SHANK2: variants seen among roughly 807,000 people sequenced by gnomAD.
The protein encoded by SHANK2 is SH3 and multiple ankyrin repeat domains protein 2.
A neutral mutation model predicts 133.7 loss-of-function variants in SHANK2; 43 were observed. The ratio of observed to expected loss-of-function variants is 0.32; its 90% confidence interval spans 0.25 to 0.41. The LOEUF (loss-of-function observed/expected upper bound fraction) is 0.41, where lower values mean the gene tolerates loss of function less well. Among genes scored for constraint, SHANK2 ranks in the 10% least tolerant of loss-of-function variants. The probability of loss-of-function intolerance (pLI) is 1.00; values close to 1 mark genes in which losing one functional copy is unlikely to be tolerated. For synonymous variants in SHANK2, 1,017 were observed against 952.8 expected, an observed-to-expected ratio of 1.07 and a Z score of -1.24; for missense variants, 1,994 against 2,235.8, an observed-to-expected ratio of 0.89 and a Z score of 2.18.
At chr11:70,604,429 A>T (rs2060546754) in intron 17 of SHANK2, 1 of 152,524 alleles carries the variant, frequency 6.6e-6, no homozygotes, top group African/African-American at 2.4e-5. Flanking sequence ...TGGTTGGGAC[A>T]GTGAGTCCAG....
chr11:70,934,981 C>T lies in SHANK2; in HGVS notation c.1108-38414G>A, dbSNP rs1029971002. Among the ~76,000 whole-genome samples, 7 of 152,204 alleles carry T rather than the reference C, an allele frequency of 4.6e-5. No homozygotes were observed. The East Asian group carries it at 5.8e-4, about 13-fold the overall frequency. Reference sequence around the variant, plus strand: ...GGGACGGGGCAGGTCTGGAGCTAGCCGCCCTGCTTCCTCTCTCCACGGGTA... The same window carrying T: ...GGGACGGGGCAGGTCTGGAGCTAGCTGCCCTGCTTCCTCTCTCCACGGGTA... On this transcript the variant is annotated intron_variant, in intron 10 of 25. Transcript: ENST00000601538.
chr11:71,135,436 G>A (rs574000133), intron 3 of SHANK2, among the ~76,000 whole-genome samples: 1 of 151,398 alleles, frequency 6.6e-6, no homozygotes, highest in East Asian at 2.0e-4. Context: ...AGAATCCACT[G>A]ACTTGCACAC....
intron 17 of SHANK2, chr11:70,631,375 T>TACACACACACAAACACAC (rs1555002115): frequency 2.1e-5 from 3 of 143,390 alleles, no homozygotes; most frequent in African/African-American, 7.8e-5. Context: ...TTCCCGGAGT[T>TACACACACACAAACACAC]ACACACACAC....
chr11:71,060,802 C>T (rs886950393), intron 9 of SHANK2, among the ~76,000 whole-genome samples: 11 of 152,138 alleles, frequency 7.2e-5, no homozygotes, highest in Non-Finnish European at 1.3e-4. Flanking sequence ...TTCAAAACAA[C>T]GTGTGAGTCT....
chr11:71,134,726 T>C (rs570801225), intron 3 of SHANK2, among the ~76,000 whole-genome samples: 1 of 152,090 alleles, frequency 6.6e-6, no homozygotes, highest in South Asian at 2.1e-4. Flanking sequence ...AGGCATGAGC[T>C]GAGAAACTGC....
intron 1 of SHANK2, among the ~76,000 whole-genome samples, chr11:71,235,979 G>A (rs1954821810): frequency 6.6e-6 from 1 of 152,188 alleles, no homozygotes; most frequent in Admixed American, 6.5e-5. Context: ...GAAAACTGAG[G>A]CCAGACCAGC....
intron 2 of SHANK2, among the ~76,000 whole-genome samples, chr11:71,192,794 C>T (rs1217185352): frequency 2.0e-5 from 3 of 152,236 alleles, no homozygotes; most frequent in Admixed American, 6.5e-5. Flanking sequence ...ATCAAGCTAT[C>T]AGAGGCTATC....
At chr11:70,616,982 G>A (rs2060752238) in intron 17 of SHANK2, among the ~76,000 whole-genome samples, 1 of 152,178 alleles carries the variant, frequency 6.6e-6, no homozygotes, top group South Asian at 2.1e-4. Context: ...GTGTCTGAGA[G>A]TGTGTTGTGT....
At chr11:70,888,614 T>G (rs1465132244) in intron 11 of SHANK2, among the ~76,000 whole-genome samples, 1 of 151,926 alleles carries the variant, frequency 6.6e-6, no homozygotes, top group African/African-American at 2.4e-5. Flanking sequence ...GTCAGGAGTT[T>G]GAGACCAGCC....
intron 25 of SHANK2, chr11:70,475,319 A>G (rs1256253154): frequency 6.6e-6 from 1 of 152,114 alleles, no homozygotes; most frequent in African/African-American, 2.4e-5. Context: ...ACACTGAGAG[A>G]CCCTGAACCT....
chr11:70,606,439 G>A (rs576981715), intron 17 of SHANK2, among the ~76,000 whole-genome samples: 4 of 143,444 alleles, frequency 2.8e-5, no homozygotes, highest in Middle Eastern at 7.3e-3. Flanking sequence ...CATATGACCC[G>A]GGGGTGGGGG....
chr11:70,928,795 G>A (rs1473283941), intron 10 of SHANK2, among the ~76,000 whole-genome samples: 4 of 152,118 alleles, frequency 2.6e-5, no homozygotes, highest in African/African-American at 7.2e-5. Flanking sequence ...CCGTGAACCC[G>A]GACAGGTGGT....
In SHANK2 at chr11:71,175,576, G is replaced by C. The variant is rs1555112997; in HGVS notation, c.-12-28238C>G. On this transcript the variant is annotated intron_variant, in intron 2 of 25. Transcript: ENST00000601538. The surrounding 1 kb of genome is among the most constrained non-coding windows in gnomAD (Gnocchi z 4.2). ...GGAGAGAGAGAGAGAGAGAGAGAGA[G>C]AGAGAGAGAGAGAGAGAGAGAGAGA... is the stretch of plus-strand genomic sequence containing the variant. Among the ~76,000 whole-genome samples, 1 of 136,628 alleles carries C rather than the reference G, an allele frequency of 7.3e-6. No homozygotes were observed. The highest frequency in any genetic ancestry group is 7.0e-5 in the Admixed American group (1 of 14,296). The allele number at this position is 136,628 out of a possible 152,430, so 89.6% of individuals were successfully genotyped here.
intron 15 of SHANK2, among the ~76,000 whole-genome samples, chr11:70,678,479 CCCTGCCTCTCCCTGCCTCTCGA>C (rs1565235115): frequency 2.0e-5 from 3 of 150,028 alleles, no homozygotes; most frequent in Non-Finnish European, 4.5e-5. Context: ...TCCTGCCTCT[CCCTGCCTCTCCCTGCCTCTCGA>C]CCTGCTCATT....
Position 71,180,833 on chromosome 11 carries a change from A to G in SHANK2, c.-12-33495T>C, listed in dbSNP as rs575223729. Among the ~76,000 whole-genome samples, 7 of 152,204 alleles carry G rather than the reference A, an allele frequency of 4.6e-5. No homozygotes were observed. In the South Asian group the frequency reaches 1.5e-3, roughly 32 times the overall value. On this transcript the variant is annotated intron_variant, in intron 2 of 25. Transcript: ENST00000601538. ...CTCTTACATATACCACTGGAGAGGA[A>G]GCAAAAATTCAGGGGCAAGGTCAGA...
intron 8 of SHANK2, among the ~76,000 whole-genome samples, chr11:71,080,441 C>T (rs1951282762): frequency 2.0e-5 from 3 of 152,174 alleles, no homozygotes; most frequent in African/African-American, 2.4e-5. Context: ...ATCTACAGGA[C>T]CTAAAACTAT....
chr11:70,550,178 C>A (rs1221617409), intron 17 of SHANK2, among the ~76,000 whole-genome samples: 5 of 152,200 alleles, frequency 3.3e-5, no homozygotes, highest in Non-Finnish European at 5.9e-5. Context: ...CCCCTCTATG[C>A]CCACCCAGCA....
At chr11:71,066,072 A>G (rs2135950724) in intron 9 of SHANK2, among the ~76,000 whole-genome samples, 1 of 120,600 alleles carries the variant, frequency 8.3e-6, no homozygotes, top group African/African-American at 3.2e-5. Context: ...GGAGATGAGC[A>G]GTGAGTGGGG....
chr11:71,196,715 C>T (rs1197836531), intron 2 of SHANK2, among the ~76,000 whole-genome samples: 1 of 151,938 alleles, frequency 6.6e-6, no homozygotes, highest in African/African-American at 2.4e-5. Flanking sequence ...AGACCCATCC[C>T]TGCCCGATGC....
Sources: allele counts gnomAD v4.1 joint callset (sites outside exome capture counted in the v4.1 genomes callset), GRCh38; gene constraint gnomAD v4.1.1; non-coding constraint Gnocchi (gnomAD v3.1); transcripts MANE v1.5; gene names NCBI Gene and HGNC (gene_info 2026-07-23, HGNC 2026-07-21).